Variants in WWC2 observed in about 807,000 individuals in gnomAD.
WWC2 encodes the protein protein WWC2.
WWC2 carries 101 observed loss-of-function variants against 138.5 expected under a neutral mutation model. That is an observed-to-expected ratio of 0.73 (90% CI 0.62 to 0.86). The LOEUF (loss-of-function observed/expected upper bound fraction) is 0.86. Ranked by LOEUF, WWC2 falls within the 40% of genes least tolerant of loss-of-function variation. The probability of loss-of-function intolerance (pLI) is 0.00; values close to 1 mark genes in which losing one functional copy is unlikely to be tolerated. For synonymous variants in WWC2, 558 were observed against 538.4 expected (o/e 1.04, Z -0.50); for missense variants, 1,420 against 1,419.4 (o/e 1.00, Z -0.01).
chr4:183,301,951 T>C (rs1256442780), intron 21 of WWC2, among the ~76,000 whole-genome samples: 1 of 152,238 alleles, frequency 6.6e-6, no homozygotes, highest in African/African-American at 2.4e-5. Context: ...TGAAATTTGC[T>C]TCTTTCCCTC....
intron 1 of WWC2, among the ~76,000 whole-genome samples, chr4:183,134,416 C>T (rs1253447215): frequency 6.6e-6 from 1 of 151,672 alleles, no homozygotes; most frequent in Non-Finnish European, 1.5e-5. Context: ...AACCTAAGTA[C>T]ATTGTGCTTT....
chr4:183,217,428 TAAG>T (rs1405114158), intron 4 of WWC2, among the ~76,000 whole-genome samples: 2 of 152,136 alleles, frequency 1.3e-5, no homozygotes, highest in African/African-American at 4.8e-5. Flanking sequence ...ATAAAGCTGT[TAAG>T]AATGATCAGG....
At chr4:183,127,651 A>T (rs550336920) in intron 1 of WWC2, among the ~76,000 whole-genome samples, 2 of 152,232 alleles carry the variant, frequency 1.3e-5, no homozygotes, top group Non-Finnish European at 2.9e-5. Context: ...TCTTGCCCCC[A>T]CCAAAAAGGG....
At chr4:183,256,898 C>G (rs889419292) in intron 9 of WWC2, among the ~76,000 whole-genome samples, 21 of 75,652 alleles carry the variant, frequency 2.8e-4, no homozygotes, top group South Asian at 1.7e-3. Flanking sequence ...CCCCCCCCCC[C>G]CCCCCGGCTC....
chr4:183,235,827 G>A (rs1736407143), intron 4 of WWC2, among the ~76,000 whole-genome samples: 1 of 152,140 alleles, frequency 6.6e-6, no homozygotes, highest in Non-Finnish European at 1.5e-5. Context: ...GATAAAGAAT[G>A]TCTTAAACAA....
chr4:183,109,460 C>T (rs545712435), intron 1 of WWC2, among the ~76,000 whole-genome samples: 29 of 152,280 alleles, frequency 1.9e-4, no homozygotes, highest in African/African-American at 6.7e-4. Flanking sequence ...ACAATTTTTC[C>T]ACAGAATGGG....
At chr4:183,114,500 T>C (rs1732349115) in intron 1 of WWC2, among the ~76,000 whole-genome samples, 1 of 152,120 alleles carries the variant, frequency 6.6e-6, no homozygotes, top group Non-Finnish European at 1.5e-5. Context: ...GAGCTAGAGA[T>C]ACTAAATTTG....
chr4:183,210,965 T>C (rs1481161711), intron 4 of WWC2, among the ~76,000 whole-genome samples: 1 of 152,230 alleles, frequency 6.6e-6, no homozygotes, highest in African/African-American at 2.4e-5. Context: ...CCTTCTTACT[T>C]GCTTATGTCT....
At chr4:183,176,702 C>T (rs913998107) in intron 1 of WWC2, among the ~76,000 whole-genome samples, 1 of 152,118 alleles carries the variant, frequency 6.6e-6, no homozygotes, top group Admixed American at 6.5e-5. Flanking sequence ...GGATTACAGC[C>T]GTGAGCCACC....
rs766243761 is a variant in WWC2, at chr4:183,204,568, T to C, written c.242-3385T>C. Among the ~76,000 whole-genome samples the C allele has an allele frequency of 2.0e-5, 3 of 152,234 alleles. No homozygotes were observed. The East Asian group carries it at 5.8e-4, about 29-fold the overall frequency. On this transcript the variant is annotated intron_variant, in intron 2 of 22. Coordinates refer to ENST00000403733, the MANE Select transcript of WWC2 (RefSeq NM_024949.6). ...TCTCTTTATCAGTCATCATCAGTCA[T>C]TCATTTGAACCTTGTAAAGCATATT...
In WWC2 at chr4:183,282,834, A is replaced by G. The variant is rs1281397132; in HGVS notation, c.2811A>G (p.Glu937=). Residue 937 remains glutamate (E), a synonymous_variant, in exon 18 of 23, where the codon GAA becomes GAG. Coordinates refer to ENST00000403733, the MANE Select transcript of WWC2 (RefSeq NM_024949.6). ...GCACTAGTGTGCCTGAGATGAATGAAGACGGGAACAGGAAAGAAAGCAACT... is the reference window on the plus strand; with the variant it reads ...GCACTAGTGTGCCTGAGATGAATGAGGACGGGAACAGGAAAGAAAGCAACT... ...SSCTSVPEMN[E]DGNRKESNCA... 1.9e-6 allele frequency: 3 copies of G among 1,591,742 alleles called. No homozygotes were observed. The highest frequency in any genetic ancestry group is 2.6e-6 in the Non-Finnish European group (3 of 1,168,692).
chr4:183,245,389 T>A (rs1736743177), intron 5 of WWC2, 27 bp from the exon 6 acceptor site: 1 of 1,486,360 alleles, frequency 6.7e-7, no homozygotes, highest in East Asian at 2.5e-5. Flanking sequence ...TCTTTGATAT[T>A]TTTTCTTTCT....
intron 1 of WWC2, among the ~76,000 whole-genome samples, chr4:183,151,862 T>G (rs993113648): frequency 7.2e-5 from 11 of 152,170 alleles, no homozygotes; most frequent in African/African-American, 2.4e-4. Flanking sequence ...ATGTGTGGTG[T>G]TATTTCTGAG....
chr4:183,099,754 G>A, intron 1 of WWC2, 132 bp downstream of exon 1: 1 of 965,516 alleles, frequency 1.0e-6, no homozygotes. Flanking sequence ...ATGTGGGGCT[G>A]GCTGCTCCGG....
chr4:183,213,054 C>T (rs1177382427), intron 4 of WWC2, among the ~76,000 whole-genome samples: 2 of 152,206 alleles, frequency 1.3e-5, no homozygotes, highest in Non-Finnish European at 2.9e-5. Flanking sequence ...CTGGCTTCAT[C>T]CCTTTCATTA....
At position 183,301,354 on chromosome 4, in the gene WWC2, A is replaced by T. The variant is rs1000693992; in HGVS notation, c.3385-10987A>T. Among the ~76,000 whole-genome samples the T allele has an allele frequency of 2.6e-5, 4 of 152,074 alleles. No homozygotes were observed. The South Asian group carries it at 8.3e-4, about 32-fold the overall frequency. Reference sequence around the variant, plus strand: ...CTCCAGCTGGCAATTAAATTATCTCATCAATTACAAAGTAATCAAGAGAGA... The same window carrying T: ...CTCCAGCTGGCAATTAAATTATCTCTTCAATTACAAAGTAATCAAGAGAGA... On this transcript the variant is annotated intron_variant, in intron 21 of 22. Coordinates refer to ENST00000403733, the MANE Select transcript of WWC2 (RefSeq NM_024949.6).
intron 2 of WWC2, among the ~76,000 whole-genome samples, chr4:183,207,145 A>G (rs1441661210): frequency 1.3e-5 from 2 of 151,538 alleles, no homozygotes; most frequent in Admixed American, 6.6e-5. Context: ...CAGCTTTGAA[A>G]TCTACCGTGC....
intron 1 of WWC2, among the ~76,000 whole-genome samples, chr4:183,135,694 C>T (rs947898691): frequency 1.4e-4 from 21 of 152,178 alleles, no homozygotes; most frequent in African/African-American, 5.1e-4. Flanking sequence ...AACCTACCAG[C>T]TGGGATCACT....
At position 183,253,848 on chromosome 4, in the gene WWC2, A is replaced by T. The variant is rs764279494; in HGVS notation, c.1045A>T (p.Asn349Tyr). ...TGAGAAGGAAAAACTGATGCTGATT[A>T]ATGAAAAAGAAGAACTTTTGAAAGA... The part of the protein sequence containing the change: ...DIEKEKLMLI[N>Y]EKEELLKELQ... The change falls in exon 9 of 23, where the codon AAT becomes TAT. Residue 349 changes from asparagine to tyrosine, a missense_variant. By Grantham distance (143) the Asn-to-Tyr change is moderately radical (BLOSUM62 -2). Coordinates refer to ENST00000403733, the MANE Select transcript of WWC2 (RefSeq NM_024949.6). The T allele has an allele frequency of 6.2e-7, 1 of 1,613,770 alleles. No homozygotes were observed. The highest frequency in any genetic ancestry group is 1.1e-5 in the South Asian group (1 of 91,036).
Sources: gnomAD v4.1 joint callset for allele counts (sites outside exome capture counted in the v4.1 genomes callset) on GRCh38, gnomAD v4.1.1 for gene constraint, MANE v1.5 for transcripts, NCBI Gene and HGNC (gene_info 2026-07-23, HGNC 2026-07-21) for gene names.